The following ARL15 variants were observed in gnomAD, a reference collection of about 807,000 sequenced individuals.
ARL15 encodes ADP-ribosylation factor-like protein 15.
In ARL15, 19 loss-of-function variants were observed where a neutral mutation model predicts 25.2. That is an observed-to-expected ratio of 0.75 (90% CI 0.53 to 1.10). The LOEUF is 1.10. Among genes scored for constraint, ARL15 ranks in the 50% least tolerant of loss-of-function variants. The pLI, the probability that ARL15 is intolerant of heterozygous loss-of-function variation, is 0.00. For synonymous variants in ARL15, 94 were observed against 86.8 expected (o/e 1.08, Z -0.46); for missense variants, 220 against 246.0 (o/e 0.89, Z 0.71).
intron 4 of ARL15, among the ~76,000 whole-genome samples, chr5:54,063,165 C>T (rs1751119243): frequency 6.6e-6 from 1 of 152,198 alleles, no homozygotes; most frequent in South Asian, 2.1e-4. Flanking sequence ...TAATAAATCC[C>T]ATACAAGGCA....
At chr5:54,109,765 CATA>C (rs1752688997) in intron 4 of ARL15, among the ~76,000 whole-genome samples, 1 of 151,828 alleles carries the variant, frequency 6.6e-6, no homozygotes, top group Non-Finnish European at 1.5e-5. Context: ...GGCCACTTGA[CATA>C]ATAATAAATT....
chr5:54,238,731 A>G (rs1756876353), intron 1 of ARL15, among the ~76,000 whole-genome samples: 1 of 152,248 alleles, frequency 6.6e-6, no homozygotes, highest in African/African-American at 2.4e-5. Context: ...CAAAGGAAAC[A>G]GATCAGGTTG....
intron 4 of ARL15, among the ~76,000 whole-genome samples, chr5:53,896,890 G>A (rs189551050): frequency 6.6e-6 from 1 of 152,220 alleles, no homozygotes; most frequent in Admixed American, 6.5e-5. Flanking sequence ...CTTAGAAAAC[G>A]TCGGTCTTCA....
intron 4 of ARL15, among the ~76,000 whole-genome samples, chr5:54,022,807 C>A (rs1233071107): frequency 6.6e-6 from 1 of 152,082 alleles, no homozygotes; most frequent in East Asian, 1.9e-4. Context: ...CAACTTTATT[C>A]CAGAGACTCA....
intron 1 of ARL15, among the ~76,000 whole-genome samples, chr5:54,192,390 T>G (rs1393971880): frequency 1.3e-5 from 2 of 152,134 alleles, no homozygotes; most frequent in African/African-American, 4.8e-5. Context: ...ATTTGTTTAT[T>G]GCCAGTCTCC....
intron 4 of ARL15, among the ~76,000 whole-genome samples, chr5:54,092,492 A>T (rs374711748): frequency 1.2e-4 from 19 of 152,286 alleles, no homozygotes; most frequent in African/African-American, 4.3e-4. Context: ...AAAAATAGAG[A>T]TTTTCTTGTA....
intron 3 of ARL15, among the ~76,000 whole-genome samples, chr5:54,147,750 G>A (rs974742083): frequency 4.6e-5 from 7 of 152,284 alleles, no homozygotes; most frequent in South Asian, 2.1e-4. Context: ...TCCTATACCA[G>A]CAAGAAATTT....
intron 1 of ARL15, 181 bp downstream of exon 1, chr5:54,310,251 A>C (rs1580000758): frequency 1.6e-6 from 1 of 632,750 alleles, no homozygotes; most frequent in Non-Finnish European, 2.6e-6. Context: ...TCCACCACCC[A>C]CCCGCCCTGG....
intron 3 of ARL15, among the ~76,000 whole-genome samples, chr5:54,148,290 A>G (rs965361838): frequency 5.3e-5 from 8 of 152,200 alleles, no homozygotes; most frequent in African/African-American, 1.9e-4. Context: ...ACAAACAAAC[A>G]GCACCTTTCA....
At chr5:53,964,336 A>G (rs184716565) in intron 4 of ARL15, among the ~76,000 whole-genome samples, 77 of 152,196 alleles carry the variant, frequency 5.1e-4, no homozygotes, top group Middle Eastern at 3.4e-3. Context: ...AGGTATTTCT[A>G]TACTGGTTCT....
rs780574415 is a variant in ARL15, at chr5:53,884,501, G to A, written c.*2060C>T. ...GCAGCAAGACAGCGAGCTCCGACCT[G>A]CTAGACAAAGAGGGAGCCTTATTGA... On this transcript the variant is annotated 3_prime_UTR_variant, in exon 5 of 5. Coordinates refer to ENST00000504924, the MANE Select transcript of ARL15 (RefSeq NM_019087.3). 16 of 152,114 alleles carry A rather than the reference G, an allele frequency of 1.1e-4. No homozygotes were observed. Among genetic ancestry groups the A allele is most frequent in the Non-Finnish European group, 2.1e-4 (14 of 68,004 alleles). 9.4% of individuals were successfully genotyped at this position (152,114 alleles called of 1,614,324 possible). A position where few individuals can be genotyped will look rare whatever the true frequency, so the allele number is the denominator to read the frequency against.
At chr5:54,095,017 G>A (rs771430196) in intron 4 of ARL15, among the ~76,000 whole-genome samples, 16 of 152,148 alleles carry the variant, frequency 1.1e-4, no homozygotes, top group Non-Finnish European at 1.2e-4. Context: ...ATCAAGACTC[G>A]AAATTCTTTT....
rs140433401 is a variant in ARL15, at chr5:54,109,920, A to G, written c.462+3282T>C. On this transcript the variant is annotated intron_variant, in intron 4 of 4. Transcript: ENST00000504924. ...ATGTAAAGGGTGTTCTTTTTCCTAGAGTTTTGCTGTTGTTGTTGTTTTTTT... is the reference window on the plus strand; with the variant it reads ...ATGTAAAGGGTGTTCTTTTTCCTAGGGTTTTGCTGTTGTTGTTGTTTTTTT... Among the ~76,000 whole-genome samples, 444 of 151,944 alleles carry G rather than the reference A, an allele frequency of 2.9e-3. 6 individuals carry two copies. The highest frequency in any genetic ancestry group is 0.01 in the African/African-American group (426 of 41,514).
intron 2 of ARL15, among the ~76,000 whole-genome samples, 200 bp downstream of exon 2, chr5:54,171,584 C>G (rs934211124): frequency 1.6e-4 from 25 of 152,004 alleles, no homozygotes; most frequent in African/African-American, 5.8e-4. Context: ...AAATGACCTG[C>G]TAGAGGGATA....
intron 3 of ARL15, among the ~76,000 whole-genome samples, chr5:54,147,877 C>T (rs1408480721): frequency 6.6e-6 from 1 of 152,206 alleles, no homozygotes; most frequent in East Asian, 1.9e-4. Flanking sequence ...ATTGTCTTTA[C>T]GTCTCCTCTG....
intron 4 of ARL15, among the ~76,000 whole-genome samples, chr5:53,939,489 C>G (rs1222416160): frequency 1.3e-5 from 2 of 152,198 alleles, no homozygotes; most frequent in Non-Finnish European, 2.9e-5. Flanking sequence ...ATAACCCCAG[C>G]ACCTTCTGAG....
At chr5:53,925,168 A>G (rs2112030372) in intron 4 of ARL15, among the ~76,000 whole-genome samples, 1 of 151,722 alleles carries the variant, frequency 6.6e-6, no homozygotes, top group Non-Finnish European at 1.5e-5. Context: ...TGGGCCATTT[A>G]AAAACCTACA....
intron 4 of ARL15, among the ~76,000 whole-genome samples, chr5:54,047,004 T>C (rs1383566635): frequency 6.6e-6 from 1 of 152,140 alleles, no homozygotes; most frequent in African/African-American, 2.4e-5. Flanking sequence ...CATGCTTCAA[T>C]CTCTCAGTAA....
chr5:53,999,496 A>G (rs1748786507), intron 4 of ARL15, among the ~76,000 whole-genome samples: 1 of 152,146 alleles, frequency 6.6e-6, no homozygotes, highest in Non-Finnish European at 1.5e-5. Flanking sequence ...AGGCTGAGGC[A>G]CGGAGAATCA....
Sources: gnomAD v4.1 joint callset for allele counts (sites outside exome capture counted in the v4.1 genomes callset) on GRCh38, gnomAD v4.1.1 for gene constraint, MANE v1.5 for transcripts, NCBI Gene and HGNC (gene_info 2026-07-23, HGNC 2026-07-21) for gene names.